PLXDC1: variants seen among roughly 807,000 people sequenced by gnomAD.
PLXDC1 encodes the protein plexin domain containing 1, also known as plexin domain-containing protein 1.
A neutral mutation model predicts 61.3 loss-of-function variants in PLXDC1; 39 were observed. The ratio of observed to expected loss-of-function variants is 0.64; its 90% CI spans 0.49 to 0.83. The LOEUF is 0.83. Among genes scored for constraint, PLXDC1 ranks in the 40% least tolerant of loss-of-function variants. PLXDC1 has a pLI of 0.00. For missense variants in PLXDC1, 596 were observed against 666.5 expected, an observed-to-expected ratio of 0.89 and a Z score of 1.17; for synonymous variants, 212 against 254.5, an observed-to-expected ratio of 0.83 and a Z score of 1.59.
chr17:39,107,127 C>T (rs1346244114), intron 6 of PLXDC1, among the ~76,000 whole-genome samples: 1 of 152,222 alleles, frequency 6.6e-6, no homozygotes, highest in Non-Finnish European at 1.5e-5. Context: ...CTCCCCTGGC[C>T]TCTGCCAAGG....
chr17:39,125,441 C>G (rs1006073373), intron 2 of PLXDC1, among the ~76,000 whole-genome samples: 1 of 152,006 alleles, frequency 6.6e-6, no homozygotes, highest in African/African-American at 2.4e-5. Flanking sequence ...TCTTAATACC[C>G]CTAACAGTTC....
At chr17:39,128,113 A>ATACATATATATG (rs1597655710) in intron 2 of PLXDC1, among the ~76,000 whole-genome samples, 5 of 95,720 alleles carry the variant, frequency 5.2e-5, no homozygotes, top group Non-Finnish European at 8.5e-5. Context: ...ATATATATAT[A>ATACATATATATG]TGTATATATA....
intron 7 of PLXDC1, among the ~76,000 whole-genome samples, chr17:39,098,572 T>C (rs890063829): frequency 6.6e-6 from 1 of 152,144 alleles, no homozygotes; most frequent in African/African-American, 2.4e-5. Flanking sequence ...ATAAGTTCTA[T>C]GTTAAGAGTA....
At chr17:39,097,490 A>G (rs1050067173) in intron 7 of PLXDC1, among the ~76,000 whole-genome samples, 1 of 152,056 alleles carries the variant, frequency 6.6e-6, no homozygotes, top group Non-Finnish European at 1.5e-5. Flanking sequence ...ATTTCTCCCC[A>G]GGAGCAGAGG....
In PLXDC1 at chr17:39,108,223, C is replaced by G. The variant is rs1376061794; in HGVS notation, c.492G>C (p.Val164=). 8 of 1,613,958 alleles carry G rather than the reference C, an allele frequency of 5.0e-6. No homozygotes were observed. The highest frequency in any genetic ancestry group is 6.8e-6 in the Non-Finnish European group (8 of 1,180,014). Residue 164 remains valine (V), a synonymous_variant, in exon 5 of 14, where the codon GTG becomes GTC. Coordinates refer to ENST00000315392, the MANE Select transcript of PLXDC1 (RefSeq NM_020405.5). ...GAGTAGCTGTGAGCATCCGATGGATCACGTCCCCCATGAAGATGAAGCCTA... is the reference window on the plus strand; with the variant it reads ...GAGTAGCTGTGAGCATCCGATGGATGACGTCCCCCATGAAGATGAAGCCTA... ...ATGGFIFMGD[V]IHRMLTATQY...
chr17:39,069,931 G>A lies in PLXDC1; in HGVS notation c.1308C>T (p.Leu436=), dbSNP rs758014209. 6.8e-6 allele frequency: 11 copies of A among 1,613,124 alleles called. No homozygotes were observed. Among genetic ancestry groups the A allele is most frequent in the African/African-American group, 2.7e-5 (2 of 75,022 alleles). ...TIVGIVLAVL[L]VAAIILAGIY... ...TTCCAGCCAGGATGATGGCCGCCAC[G>A]AGGAGGACTGCCAGCACGATGCCCA... is the stretch of plus-strand genomic sequence containing the variant. The change falls in exon 13 of 14, where the codon CTC becomes CTT. Residue 436 remains leucine (L), a synonymous_variant. Transcript: ENST00000315392.
intron 10 of PLXDC1, 55 bp downstream of exon 10, chr17:39,079,049 C>A: frequency 6.8e-7 from 1 of 1,475,170 alleles, no homozygotes; most frequent in South Asian, 1.1e-5. Context: ...ACTGGCTGCC[C>A]TCCTGTTCCC....
intron 2 of PLXDC1, among the ~76,000 whole-genome samples, chr17:39,138,723 T>A (rs941441324): frequency 2.9e-5 from 4 of 137,322 alleles, no homozygotes; most frequent in Non-Finnish European, 4.7e-5. Context: ...CTATTTAACC[T>A]TTTTTTTTTT....
intron 1 of PLXDC1, among the ~76,000 whole-genome samples, chr17:39,148,686 C>T (rs144303299): frequency 4.4e-4 from 67 of 152,246 alleles, no homozygotes; most frequent in African/African-American, 1.6e-3. Flanking sequence ...CCGCCGGCCT[C>T]GGCCTCCCAG....
At chr17:39,084,671 G>C (rs887701888) in intron 8 of PLXDC1, among the ~76,000 whole-genome samples, 1 of 152,234 alleles carries the variant, frequency 6.6e-6, no homozygotes, top group African/African-American at 2.4e-5. Context: ...TGCACAGAGT[G>C]AAGGGGCTGG....
intron 10 of PLXDC1, 72 bp downstream of exon 10, chr17:39,079,032 A>C (rs1909450307): frequency 8.4e-7 from 1 of 1,184,284 alleles, no homozygotes; most frequent in East Asian, 2.3e-5. Context: ...TTCCAGGGGC[A>C]GGCCCTACTG....
At chr17:39,127,534 G>A (rs1324173720) in intron 2 of PLXDC1, among the ~76,000 whole-genome samples, 2 of 152,056 alleles carry the variant, frequency 1.3e-5, no homozygotes, top group Non-Finnish European at 2.9e-5. Flanking sequence ...GAGGGGCTAA[G>A]AAACTCGCCC....
intron 7 of PLXDC1, among the ~76,000 whole-genome samples, chr17:39,097,555 C>T (rs62076655): frequency 0.028 from 4,199 of 152,114 alleles, 61 homozygotes; most frequent in Non-Finnish European, 0.04. Flanking sequence ...CAGAAAAACG[C>T]ATGGATGTGA....
At chr17:39,074,518 C>G (rs1288202003) in intron 11 of PLXDC1, among the ~76,000 whole-genome samples, 3 of 152,152 alleles carry the variant, frequency 2.0e-5, no homozygotes, top group Non-Finnish European at 4.4e-5. Flanking sequence ...AGGGGATGCA[C>G]ACAGATAATA....
At chr17:39,112,008 T>C (rs2143710080) in intron 2 of PLXDC1, 1 of 152,316 alleles carries the variant, frequency 6.6e-6, no homozygotes, top group Admixed American at 6.5e-5. Context: ...AACTAATGCT[T>C]CATGTTTTTC....
rs1483194874 is a variant in PLXDC1, at chr17:39,151,187, TTTGGGAAA to T, written c.76+167_76+174del. On this transcript the variant is annotated intron_variant, in intron 1 of 13. Coordinates refer to ENST00000315392, the MANE Select transcript of PLXDC1 (RefSeq NM_020405.5). This position sits in a 1 kb window ranked among gnomAD's most constrained non-coding sequence, Gnocchi z 5.2. Reference sequence around the variant, plus strand: ...CACCGTCACTCACACACCCTATGTGTTTGGGAAAGTGGGGTCCCTATCCACCTGCCCAC... The same window carrying T: ...CACCGTCACTCACACACCCTATGTGTGTGGGGTCCCTATCCACCTGCCCAC... 6.6e-6 allele frequency among the ~76,000 whole-genome samples: 1 copy of T among 152,278 alleles called. No individual in the cohort carries two copies. Among genetic ancestry groups the T allele is most frequent in the East Asian group, 1.9e-4 (1 of 5,176 alleles).
At chr17:39,090,946 C>A (rs1232862882) in intron 7 of PLXDC1, among the ~76,000 whole-genome samples, 1 of 152,206 alleles carries the variant, frequency 6.6e-6, no homozygotes, top group Non-Finnish European at 1.5e-5. Context: ...TCCCCCAGTT[C>A]CCCGCTGCTG....
At chr17:39,126,791 A>G (rs1286802431) in intron 2 of PLXDC1, 1 of 152,220 alleles carries the variant, frequency 6.6e-6, no homozygotes, top group East Asian at 1.9e-4. Flanking sequence ...TGAAGAGAAC[A>G]TGCAAACTCC....
intron 12 of PLXDC1, among the ~76,000 whole-genome samples, chr17:39,071,563 G>T (rs535737305): frequency 1.1e-4 from 16 of 152,302 alleles, no homozygotes; most frequent in Admixed American, 3.3e-4. Flanking sequence ...GAGGACTGAG[G>T]TGAAATGCCC....
Sources: gnomAD v4.1 joint callset for allele counts (sites outside exome capture counted in the v4.1 genomes callset) on GRCh38, gnomAD v4.1.1 for gene constraint, Gnocchi (gnomAD v3.1) non-coding constraint, MANE v1.5 for transcripts, NCBI Gene and HGNC (gene_info 2026-07-23, HGNC 2026-07-21) for gene names.